Variants in HMCN1 observed in about 807,000 individuals in gnomAD.
HMCN1 encodes hemicentin 1.
A neutral mutation model predicts 625.9 loss-of-function variants in HMCN1; 321 were observed. That is an observed-to-expected ratio of 0.51 (90% CI 0.47 to 0.56). HMCN1 has a LOEUF of 0.56. HMCN1 is among the 20% of genes least tolerant of loss of function. The probability of loss-of-function intolerance (pLI) is 0.00; values close to 1 mark genes in which losing one functional copy is unlikely to be tolerated. For synonymous variants in HMCN1, 2,425 were observed against 2,417.6 expected (o/e 1.00, Z -0.09); for missense variants, 6,588 against 6,887.3 (o/e 0.96, Z 1.54).
chr1:185,988,366 C>T (rs1652150325), intron 20 of HMCN1, among the ~76,000 whole-genome samples: 1 of 152,150 alleles, frequency 6.6e-6, no homozygotes, highest in African/African-American at 2.4e-5. Flanking sequence ...AATTTGAACC[C>T]AGCAAATACA....
chr1:186,111,460 G>A (rs953131243), intron 71 of HMCN1, among the ~76,000 whole-genome samples: 1 of 151,996 alleles, frequency 6.6e-6, no homozygotes, highest in Non-Finnish European at 1.5e-5. Flanking sequence ...ACCAGCCTGG[G>A]CAACAGAGCA....
At chr1:185,806,707 T>G (rs886618271) in intron 1 of HMCN1, among the ~76,000 whole-genome samples, 4 of 152,204 alleles carry the variant, frequency 2.6e-5, no homozygotes, top group Admixed American at 6.5e-5. Context: ...CAAACTGGTT[T>G]GCATTTTAGA....
intron 1 of HMCN1, among the ~76,000 whole-genome samples, chr1:185,838,723 C>T (rs1240453661): frequency 6.6e-6 from 1 of 152,206 alleles, no homozygotes; most frequent in Non-Finnish European, 1.5e-5. Context: ...GAGAGCAGGA[C>T]ATTGTCATAA....
chr1:185,748,033 A>AT, intron 1 of HMCN1, among the ~76,000 whole-genome samples: 1 of 135,740 alleles, frequency 7.4e-6, no homozygotes, highest in South Asian at 2.3e-4. Flanking sequence ...GGGTACTTAA[A>AT]ATTTTTTTTT....
intron 83 of HMCN1, 74 bp downstream of exon 83, chr1:186,128,365 G>T (rs1661752273): frequency 4.8e-6 from 6 of 1,246,354 alleles, no homozygotes; most frequent in Non-Finnish European, 7.0e-6. Flanking sequence ...GTTTCCTCCA[G>T]CTGTGAAAAT....
chr1:185,988,456 A>G (rs988972811), intron 20 of HMCN1, among the ~76,000 whole-genome samples: 2 of 152,190 alleles, frequency 1.3e-5, no homozygotes, highest in African/African-American at 4.8e-5. Context: ...AGTTTTATCT[A>G]TCTAAAAATC....
In HMCN1 at chr1:186,007,112, G is replaced by A. The variant is rs1884662; in HGVS notation, c.4476-16G>A. 0.036 allele frequency: 58,194 copies of A among 1,600,532 alleles called. 5,431 individuals are homozygous for A. Among genetic ancestry groups the A allele is most frequent in the African/African-American group, 0.36 (26,723 of 74,228 alleles). On this transcript the variant is annotated splice_polypyrimidine_tract_variant and intron_variant, in intron 29 of 106. Transcript: ENST00000271588. ...ACTGAAAATAGACCCATGGAATAAA[G>A]TTTTATTTTTTCTAGGCCTTTATTT...
At chr1:185,895,884 A>G (rs1245494369) in intron 4 of HMCN1, among the ~76,000 whole-genome samples, 1 of 152,122 alleles carries the variant, frequency 6.6e-6, no homozygotes, top group Non-Finnish European at 1.5e-5. Flanking sequence ...ATAAATTGCC[A>G]CATTTGGTTT....
intron 19 of HMCN1, among the ~76,000 whole-genome samples, chr1:185,985,322 T>G (rs2102012530): frequency 6.6e-6 from 1 of 152,290 alleles, no homozygotes; most frequent in Middle Eastern, 3.4e-3. Flanking sequence ...TGTGTAACTA[T>G]TTTTCAAGAA....
intron 1 of HMCN1, among the ~76,000 whole-genome samples, chr1:185,835,385 A>G (rs1372311557): frequency 6.6e-6 from 1 of 151,866 alleles, no homozygotes; most frequent in Non-Finnish European, 1.5e-5. Flanking sequence ...ATTTGTGTAG[A>G]GACACATGCC....
intron 68 of HMCN1, 61 bp from the exon 69 acceptor site, chr1:186,103,411 C>A: frequency 7.1e-7 from 1 of 1,418,158 alleles, no homozygotes; most frequent in Non-Finnish European, 9.9e-7. Context: ...TCAAGTTTTT[C>A]TAACGAGCAA....
At chr1:186,138,980 CAA>C (rs1649791048) in intron 89 of HMCN1, among the ~76,000 whole-genome samples, 1 of 152,126 alleles carries the variant, frequency 6.6e-6, no homozygotes, top group African/African-American at 2.4e-5. Flanking sequence ...AAATAATAAA[CAA>C]TATCTTTCCA....
rs144437187 is a variant in HMCN1, at chr1:186,129,967, C to G, written c.12906C>G (p.Ala4302=). Residue 4302 remains alanine, a splice_region_variant and synonymous_variant, in exon 84 of 107, where the codon GCC becomes GCG. Transcript: ENST00000271588. ...TGTGTTGTTTCTTGTTTCCCTCAGC[C>G]CACTTTGACAGTGTGAATGGACACA... ...TWTFNNNIIP[A]HFDSVNGHSE... 8.1e-6 allele frequency: 13 copies of G among 1,612,634 alleles called. No homozygotes were observed. The Admixed American group carries it at 1.8e-4, about 23-fold the overall frequency.
intron 67 of HMCN1, 123 bp from the exon 68 acceptor site, chr1:186,095,120 A>C: frequency 2.1e-6 from 2 of 954,228 alleles, no homozygotes; most frequent in Middle Eastern, 4.9e-4. Flanking sequence ...TATTATACAC[A>C]ATTTTAAAGT....
At chr1:185,832,299 C>T (rs1185278268) in intron 1 of HMCN1, among the ~76,000 whole-genome samples, 1 of 151,372 alleles carries the variant, frequency 6.6e-6, no homozygotes, top group Non-Finnish European at 1.5e-5. Context: ...CTCAAAAAAA[C>T]AAAAAATAAA....
intron 1 of HMCN1, among the ~76,000 whole-genome samples, chr1:185,799,118 C>G (rs929520899): frequency 6.6e-6 from 1 of 152,096 alleles, no homozygotes; most frequent in African/African-American, 2.4e-5. Context: ...CTTTTGGTGG[C>G]AAAGTATCGT....
intron 62 of HMCN1, 152 bp downstream of exon 62, chr1:186,088,428 G>C: frequency 7.3e-7 from 1 of 1,378,848 alleles, no homozygotes. Context: ...TTACAAAATA[G>C]ACTCATTGTA....
chr1:185,867,541 T>A (rs2102362566), intron 4 of HMCN1, among the ~76,000 whole-genome samples: 1 of 152,248 alleles, frequency 6.6e-6, no homozygotes, highest in South Asian at 2.1e-4. Flanking sequence ...TACATCAGCT[T>A]GTATATCACT....
intron 1 of HMCN1, among the ~76,000 whole-genome samples, chr1:185,751,164 C>A (rs995272868): frequency 2.0e-5 from 3 of 152,160 alleles, no homozygotes; most frequent in African/African-American, 7.2e-5. Context: ...CCCCCACCAA[C>A]CCTATGCATT....
Sources: gnomAD v4.1 joint callset for allele counts (sites outside exome capture counted in the v4.1 genomes callset) on GRCh38, gnomAD v4.1.1 for gene constraint, MANE v1.5 for transcripts, NCBI Gene and HGNC (gene_info 2026-07-23, HGNC 2026-07-21) for gene names.